Variants in PTPRA observed in about 807,000 individuals in gnomAD.
PTPRA encodes receptor-type tyrosine-protein phosphatase alpha.
A neutral mutation model predicts 104.8 loss-of-function variants in PTPRA; 25 were observed. The ratio of observed to expected loss-of-function variants is 0.24; its 90% CI spans 0.17 to 0.33. The LOEUF is 0.33. Ranked by LOEUF, PTPRA falls within the 10% of genes least tolerant of loss-of-function variation. The pLI is 1.00. For synonymous variants in PTPRA, 323 were observed against 368.9 expected, an observed-to-expected ratio of 0.88 and a Z score of 1.43; for missense variants, 765 against 1,015.3, an observed-to-expected ratio of 0.75 and a Z score of 3.35.
chr20:2,944,851 G>A (rs542447871), intron 2 of PTPRA, among the ~76,000 whole-genome samples: 1 of 152,072 alleles, frequency 6.6e-6, no homozygotes, highest in South Asian at 2.1e-4. Context: ...TTATCTGTTT[G>A]GGGGGTGTTT....
At chr20:3,006,567 C>T (rs1424857166) in intron 10 of PTPRA, among the ~76,000 whole-genome samples, 1 of 152,232 alleles carries the variant, frequency 6.6e-6, no homozygotes, top group Non-Finnish European at 1.5e-5. Context: ...GATGCCTGCT[C>T]ACATTTTTAT....
intron 1 of PTPRA, among the ~76,000 whole-genome samples, chr20:2,890,224 A>AT (rs970518392): frequency 4.0e-5 from 6 of 148,512 alleles, no homozygotes; most frequent in South Asian, 2.2e-4. Flanking sequence ...CCTTCAATCA[A>AT]TTTTTTTTTT....
intron 4 of PTPRA, 146 bp from the exon 5 acceptor site, chr20:2,964,715 G>A (rs543226896): frequency 1.0e-5 from 7 of 698,776 alleles, no homozygotes; most frequent in South Asian, 1.9e-5. Context: ...AGATAAAAAC[G>A]TAGGGGGTGG....
chr20:2,879,220 C>G (rs2089916404), intron 1 of PTPRA, among the ~76,000 whole-genome samples: 1 of 152,156 alleles, frequency 6.6e-6, no homozygotes, highest in African/African-American at 2.4e-5. Flanking sequence ...TTGTGAAGGC[C>G]CTGAGCTGAG....
Position 3,021,434 on chromosome 20 carries a change from G to A in PTPRA, c.1161+6G>A. ...GGAAGTTCTGCATCCAGCAGGTAGT[G>A]TCTCCTCTGTCCTTTCTCAGTTCTT... On this transcript the variant is annotated splice_donor_region_variant and intron_variant, in intron 14 of 23. Coordinates refer to ENST00000399903, the MANE Select transcript of PTPRA (RefSeq NM_001385305.1). 2 of 1,613,888 alleles carry A rather than the reference G, an allele frequency of 1.2e-6. No homozygotes were observed. The highest frequency in any genetic ancestry group is 1.3e-5 in the African/African-American group (1 of 75,060).
chr20:2,964,965 T>C lies in PTPRA; in HGVS notation c.178T>C (p.Ser60Pro), dbSNP rs527520896. The C allele has an allele frequency of 4.0e-5, 65 of 1,613,976 alleles. No homozygotes were observed. In the Admixed American group the frequency reaches 6.0e-4, roughly 15 times the overall value. Residue 60 changes from serine (S) to proline (P), a missense_variant, in exon 5 of 24, where the codon TCT (serine) becomes CCT (proline). Transcript: ENST00000399903. Reference sequence around the variant, plus strand: ...TCCAACTTCTTCACTAACTTCTCTTTCTGTGGCACCAACATTCAGCCCAAA... The same window carrying C: ...TCCAACTTCTTCACTAACTTCTCTTCCTGTGGCACCAACATTCAGCCCAAA... ...SNPTSSLTSL[S>P]VAPTFSPNIT...
At chr20:2,889,669 A>G (rs2058722029) in intron 1 of PTPRA, among the ~76,000 whole-genome samples, 1 of 152,152 alleles carries the variant, frequency 6.6e-6, no homozygotes, top group Admixed American at 6.6e-5. Context: ...ATTAAGGAGG[A>G]CAGTTTTATC....
intron 13 of PTPRA, among the ~76,000 whole-genome samples, chr20:3,019,225 G>A (rs1353986168): frequency 2.1e-5 from 3 of 145,252 alleles, no homozygotes; most frequent in African/African-American, 5.4e-5. Flanking sequence ...CCTCCCTCCC[G>A]GACGGGGCGG....
Position 3,038,467 on chromosome 20 carries a change from C to A in PTPRA, c.*334C>A. The A allele has an allele frequency of 3.8e-6, 1 of 263,182 alleles. No homozygotes were observed. Among genetic ancestry groups the A allele is most frequent in the South Asian group, 4.1e-5 (1 of 24,346 alleles). The allele number at this position is 263,182 out of a possible 1,614,324, so 16.3% of individuals were successfully genotyped here. On this transcript the variant is annotated 3_prime_UTR_variant, in exon 24 of 24. Coordinates refer to ENST00000399903, the MANE Select transcript of PTPRA (RefSeq NM_001385305.1). ...TCCATTCCAGGTAGCTCGGCACCAA[C>A]TAAGAAAAAAAGCACAAAGTTCTCA...
At chr20:2,904,556 C>A (rs149268270) in intron 1 of PTPRA, among the ~76,000 whole-genome samples, 430 of 150,594 alleles carry the variant, frequency 2.9e-3, no homozygotes, top group Middle Eastern at 0.01. Flanking sequence ...GCGGTCCCAG[C>A]TACTCGGGAG....
chr20:2,999,132 T>C (rs922195585), intron 9 of PTPRA, among the ~76,000 whole-genome samples: 1 of 152,206 alleles, frequency 6.6e-6, no homozygotes, highest in Non-Finnish European at 1.5e-5. Flanking sequence ...CCAATTACAA[T>C]AGCATCCAAA....
chr20:2,938,101 G>C (rs6084207), intron 2 of PTPRA, among the ~76,000 whole-genome samples: 1 of 151,998 alleles, frequency 6.6e-6, no homozygotes, highest in Admixed American at 6.6e-5. Flanking sequence ...AGAGGATTTC[G>C]TGAGTCCAGG....
intron 3 of PTPRA, chr20:2,955,541 G>A (rs982906222): frequency 2.5e-6 from 2 of 793,640 alleles, no homozygotes; most frequent in Non-Finnish European, 3.1e-6. Flanking sequence ...CTCTTGTTTT[G>A]GACTTCTCTA....
At chr20:2,902,856 G>T (rs148348846) in intron 1 of PTPRA, among the ~76,000 whole-genome samples, 1 of 152,062 alleles carries the variant, frequency 6.6e-6, no homozygotes. Flanking sequence ...CAACTGGCCC[G>T]TTAAAGCCAA....
At chr20:3,004,321 A>G (rs1037615237) in intron 9 of PTPRA, among the ~76,000 whole-genome samples, 7 of 152,200 alleles carry the variant, frequency 4.6e-5, no homozygotes, top group East Asian at 3.8e-4. Context: ...CCCGGCCCCA[A>G]TTTTACAGAT....
chr20:3,037,256 G>A lies in PTPRA; in HGVS notation c.2301G>A (p.Leu767=), dbSNP rs375917163. The part of the protein sequence containing the change: ...ILDVFQTVKS[L]RLQRPHMVQT... ...ATGTCTTCCAGACTGTCAAGAGCCT[G>A]CGGCTACAGAGGCCACACATGGTCC... is the stretch of plus-strand genomic sequence containing the variant. Residue 767 remains leucine (L), a synonymous_variant, in exon 23 of 24, where the codon CTG becomes CTA. Transcript: ENST00000399903. The surrounding 1 kb of genome is among the most constrained non-coding windows in gnomAD (Gnocchi z 4.3). 1 of 1,614,118 alleles carries A rather than the reference G, an allele frequency of 6.2e-7. No homozygotes were observed. The highest frequency in any genetic ancestry group is 1.3e-5 in the African/African-American group (1 of 74,948).
At chr20:2,943,213 A>ACCCCC (rs61061739) in intron 2 of PTPRA, among the ~76,000 whole-genome samples, 40 of 116,520 alleles carry the variant, frequency 3.4e-4, no homozygotes, top group African/African-American at 1.2e-3. Context: ...ATATCCCCCC[A>ACCCCC]CCCCCCCCCC....
chr20:2,892,340 T>C (rs761626586), intron 1 of PTPRA, among the ~76,000 whole-genome samples: 3 of 151,494 alleles, frequency 2.0e-5, no homozygotes, highest in East Asian at 1.9e-4. Flanking sequence ...TGTAATTTAC[T>C]GAAGCATGGA....
At chr20:2,936,738 G>T (rs1265493321) in intron 2 of PTPRA, among the ~76,000 whole-genome samples, 2 of 152,180 alleles carry the variant, frequency 1.3e-5, no homozygotes, top group Non-Finnish European at 2.9e-5. Flanking sequence ...CTCCCAAAGT[G>T]CTGGGATTAC....
Sources: gnomAD v4.1 joint callset for allele counts (sites outside exome capture counted in the v4.1 genomes callset) on GRCh38, gnomAD v4.1.1 for gene constraint, Gnocchi (gnomAD v3.1) non-coding constraint, MANE v1.5 for transcripts, NCBI Gene and HGNC (gene_info 2026-07-23, HGNC 2026-07-21) for gene names.